The following GABRB1 variants were observed in gnomAD, a reference collection of about 807,000 sequenced individuals.
The protein encoded by GABRB1 is gamma-aminobutyric acid type A receptor subunit beta1, also known as gamma-aminobutyric acid receptor subunit beta-1.
In GABRB1, 17 loss-of-function variants were observed where a neutral mutation model predicts 51.6. That is an observed-to-expected ratio of 0.33 (90% CI 0.23 to 0.49). The LOEUF (loss-of-function observed/expected upper bound fraction) is 0.49. Ranked by LOEUF, GABRB1 falls within the 20% of genes least tolerant of loss-of-function variation. The pLI is 0.99. For missense variants in GABRB1, 410 were observed against 600.6 expected (o/e 0.68, Z 3.32); for synonymous variants, 247 against 218.9 (o/e 1.13, Z -1.14).
intron 4 of GABRB1, among the ~76,000 whole-genome samples, chr4:47,170,380 T>TACACACACACACAC (rs10555441): frequency 6.7e-6 from 1 of 148,914 alleles, no homozygotes; most frequent in East Asian, 2.0e-4. Context: ...ACAGATCCAC[T>TACACACACACACAC]ACACACACAC....
intron 8 of GABRB1, among the ~76,000 whole-genome samples, chr4:47,417,481 C>T (rs7664913): frequency 2.6e-5 from 4 of 151,396 alleles, no homozygotes; most frequent in Non-Finnish European, 4.4e-5. Context: ...GGAATTCCAG[C>T]CTAAGAGATC....
chr4:47,425,420 A>C (rs1729238739), intron 8 of GABRB1, among the ~76,000 whole-genome samples: 1 of 125,084 alleles, frequency 8.0e-6, no homozygotes, highest in Non-Finnish European at 1.8e-5. Context: ...CACACACACA[A>C]GTGTTCTGTG....
At chr4:47,361,324 A>AG (rs1726798435) in intron 5 of GABRB1, among the ~76,000 whole-genome samples, 1 of 152,186 alleles carries the variant, frequency 6.6e-6, no homozygotes, top group South Asian at 2.1e-4. Flanking sequence ...CAAAAGGCAA[A>AG]GGGTAAAACA....
chr4:47,352,807 T>A (rs1000788014), intron 5 of GABRB1, among the ~76,000 whole-genome samples: 2 of 152,228 alleles, frequency 1.3e-5, no homozygotes, highest in African/African-American at 4.8e-5. Context: ...TTCTTCATAG[T>A]AGTGAGGGTT....
At chr4:47,303,561 ACT>A (rs1157804260) in intron 4 of GABRB1, among the ~76,000 whole-genome samples, 1 of 151,646 alleles carries the variant, frequency 6.6e-6, no homozygotes, top group Non-Finnish European at 1.5e-5. Context: ...TCATTTTTTT[ACT>A]CTGTCTTGAA....
At chr4:47,184,368 G>A (rs572157853) in intron 4 of GABRB1, among the ~76,000 whole-genome samples, 8 of 151,926 alleles carry the variant, frequency 5.3e-5, no homozygotes, top group African/African-American at 1.9e-4. Context: ...CTTAAGAACT[G>A]GTATGTTTCT....
At chr4:47,091,748 A>C (rs1423513458) in intron 3 of GABRB1, among the ~76,000 whole-genome samples, 1 of 152,176 alleles carries the variant, frequency 6.6e-6, no homozygotes, top group Non-Finnish European at 1.5e-5. Context: ...TTTAAGATAA[A>C]GTCTGAATTC....
intron 4 of GABRB1, among the ~76,000 whole-genome samples, chr4:47,195,466 G>C (rs1015860935): frequency 2.6e-5 from 2 of 77,856 alleles, no homozygotes; most frequent in Non-Finnish European, 5.5e-5. Context: ...TTAGATGATA[G>C]ATAGATAGAT....
chr4:47,215,188 G>A (rs1720507418), intron 4 of GABRB1, among the ~76,000 whole-genome samples: 1 of 152,052 alleles, frequency 6.6e-6, no homozygotes, highest in Non-Finnish European at 1.5e-5. Context: ...AATAATGGGT[G>A]CTATTTATTA....
At chr4:47,254,719 G>A (rs550669445) in intron 4 of GABRB1, among the ~76,000 whole-genome samples, 1 of 152,192 alleles carries the variant, frequency 6.6e-6, no homozygotes, top group Admixed American at 6.5e-5. Context: ...TATTCTTTGT[G>A]CAATTACTTT....
intron 4 of GABRB1, among the ~76,000 whole-genome samples, chr4:47,298,706 A>T (rs1287912882): frequency 6.6e-6 from 1 of 152,230 alleles, no homozygotes; most frequent in Non-Finnish European, 1.5e-5. Flanking sequence ...TTAAGCTACC[A>T]ATGACTTTCT....
intron 5 of GABRB1, among the ~76,000 whole-genome samples, chr4:47,326,068 G>A (rs940182917): frequency 1.3e-5 from 2 of 152,100 alleles, no homozygotes; most frequent in Admixed American, 1.3e-4. Flanking sequence ...CCCTTGATTG[G>A]AGCATGATGA....
chr4:47,356,984 G>A (rs941495271), intron 5 of GABRB1, among the ~76,000 whole-genome samples: 5 of 152,130 alleles, frequency 3.3e-5, no homozygotes, highest in African/African-American at 1.2e-4. Flanking sequence ...CTTTTCAAAT[G>A]GAGAGGCTGA....
chr4:47,211,505 A>G (rs560530329), intron 4 of GABRB1, among the ~76,000 whole-genome samples: 33 of 152,314 alleles, frequency 2.2e-4, no homozygotes, highest in African/African-American at 7.7e-4. Context: ...ACAGTTTAAT[A>G]TAACAACTAC....
intron 4 of GABRB1, among the ~76,000 whole-genome samples, chr4:47,296,143 A>T (rs866255437): frequency 2.0e-5 from 3 of 152,252 alleles, no homozygotes; most frequent in Non-Finnish European, 4.4e-5. Context: ...AGTACCGGCC[A>T]CTGCAAAATC....
chr4:47,044,834 C>A (rs1242774591), intron 3 of GABRB1, among the ~76,000 whole-genome samples: 2 of 142,264 alleles, frequency 1.4e-5, no homozygotes, highest in Non-Finnish European at 3.2e-5. Context: ...TTTGTGAGAA[C>A]TGACAATAAA....
chr4:47,009,796 G>T (rs975983803), intron 1 of GABRB1, among the ~76,000 whole-genome samples: 2 of 152,220 alleles, frequency 1.3e-5, no homozygotes, highest in African/African-American at 4.8e-5. Flanking sequence ...TGACCACTGA[G>T]TGATTGAGGT....
In GABRB1 at chr4:47,394,679, G is replaced by A. The variant is rs117198392; in HGVS notation, c.545-8639G>A. Among the ~76,000 whole-genome samples, 975 of 151,416 alleles carry A rather than the reference G, an allele frequency of 6.4e-3. 6 individuals carry two copies. The highest frequency in any genetic ancestry group is 9.1e-3 in the Admixed American group (138 of 15,202). On this transcript the variant is annotated intron_variant, in intron 5 of 8. Transcript: ENST00000295454. ...TCCATCTATCTTTATGAAAAAGTTC[G>A]CCTTTCACACCATCTTCCTGAATGG...
chr4:47,129,304 A>G (rs1716305147), intron 3 of GABRB1, among the ~76,000 whole-genome samples: 1 of 152,190 alleles, frequency 6.6e-6, no homozygotes, highest in South Asian at 2.1e-4. Flanking sequence ...GAAAATCACT[A>G]GCAAAGCAGA....
Sources: gnomAD v4.1 joint callset for allele counts (sites outside exome capture counted in the v4.1 genomes callset) on GRCh38, gnomAD v4.1.1 for gene constraint, MANE v1.5 for transcripts, NCBI Gene and HGNC (gene_info 2026-07-23, HGNC 2026-07-21) for gene names.